The following CADM2 variants were observed in gnomAD, a reference collection of about 807,000 sequenced individuals.
The protein encoded by CADM2 is cell adhesion molecule 2, also known as immunoglobulin superfamily member 4D.
A neutral mutation model predicts 49.8 loss-of-function variants in CADM2; 12 were observed. That is an observed-to-expected ratio of 0.24 (90% CI 0.15 to 0.39). The LOEUF is 0.39. CADM2 is among the 10% of genes least tolerant of loss of function. The pLI is 1.00. For missense variants in CADM2, 378 were observed against 492.3 expected, an observed-to-expected ratio of 0.77 and a Z score of 2.20; for synonymous variants, 214 against 175.4, an observed-to-expected ratio of 1.22 and a Z score of -1.74.
chr3:85,874,371 T>C (rs1167433403), intron 3 of CADM2, among the ~76,000 whole-genome samples: 3 of 152,200 alleles, frequency 2.0e-5, no homozygotes, highest in Non-Finnish European at 2.9e-5. Flanking sequence ...TAACAAGGGC[T>C]GGTTTCTCTA....
At chr3:85,863,623 G>A (rs1010175016) in intron 3 of CADM2, among the ~76,000 whole-genome samples, 3 of 152,124 alleles carry the variant, frequency 2.0e-5, no homozygotes, top group Non-Finnish European at 4.4e-5. Context: ...GCACTTTGAT[G>A]TTAGACTTCT....
intron 1 of CADM2, among the ~76,000 whole-genome samples, chr3:85,130,937 C>T (rs1018781039): frequency 1.3e-5 from 2 of 152,188 alleles, no homozygotes; most frequent in Non-Finnish European, 2.9e-5. Flanking sequence ...AATCCCAGCA[C>T]TTTGGGAGGC....
At chr3:85,163,630 T>C (rs867415511) in intron 1 of CADM2, among the ~76,000 whole-genome samples, 36 of 152,174 alleles carry the variant, frequency 2.4e-4, no homozygotes, top group Admixed American at 7.2e-4. Context: ...ATCTCAAAAT[T>C]AGAACAGCTT....
At chr3:85,217,295 G>A (rs993066073) in intron 1 of CADM2, among the ~76,000 whole-genome samples, 2 of 151,662 alleles carry the variant, frequency 1.3e-5, no homozygotes, top group African/African-American at 4.8e-5. Flanking sequence ...AATAAGCATA[G>A]CAAATTTGAT....
chr3:85,036,573 G>C (rs1282048156), intron 1 of CADM2, among the ~76,000 whole-genome samples: 2 of 151,900 alleles, frequency 1.3e-5, no homozygotes, highest in African/African-American at 4.8e-5. Flanking sequence ...CTATTAGGTT[G>C]GTGCAAAAAT....
At chr3:85,714,411 T>C (rs1426962080) in intron 1 of CADM2, among the ~76,000 whole-genome samples, 2 of 152,038 alleles carry the variant, frequency 1.3e-5, no homozygotes, top group Non-Finnish European at 2.9e-5. Context: ...TGTCAAATTT[T>C]GTTTTCTGTT....
chr3:85,978,529 A>G (rs1727073257), intron 8 of CADM2, among the ~76,000 whole-genome samples: 1 of 151,578 alleles, frequency 6.6e-6, no homozygotes, highest in Non-Finnish European at 1.5e-5. Flanking sequence ...AATTATTAGA[A>G]GGCGTTACCA....
intron 3 of CADM2, among the ~76,000 whole-genome samples, chr3:85,816,455 G>T (rs1289263173): frequency 6.6e-6 from 1 of 152,056 alleles, no homozygotes; most frequent in Non-Finnish European, 1.5e-5. Flanking sequence ...AATCTACAAT[G>T]TACAGTCTCC....
At chr3:85,465,473 A>G (rs182074680) in intron 1 of CADM2, among the ~76,000 whole-genome samples, 20 of 152,274 alleles carry the variant, frequency 1.3e-4, no homozygotes, top group Admixed American at 1.2e-3. Flanking sequence ...CATTTTGTTC[A>G]TAAGACCTTT....
At position 85,917,842 on chromosome 3, in the gene CADM2, G is replaced by A. The variant is rs559563565; in HGVS notation, c.700+5299G>A. 5.3e-5 allele frequency among the ~76,000 whole-genome samples: 8 copies of A among 152,098 alleles called. No individual in the cohort carries two copies. The East Asian group carries it at 7.7e-4, about 15-fold the overall frequency. On this transcript the variant is annotated intron_variant, in intron 6 of 9. Coordinates refer to ENST00000383699, the MANE Select transcript of CADM2 (RefSeq NM_001167675.2). ...ATTTGTTTGTGTCCTCTTTTATTTA[G>A]TTGAGCACTGGTTTGTAGTTCTCCT...
chr3:85,904,797 T>C (rs1716569148), intron 5 of CADM2, among the ~76,000 whole-genome samples: 1 of 152,172 alleles, frequency 6.6e-6, no homozygotes, highest in South Asian at 2.1e-4. Flanking sequence ...TTCTTAAAAA[T>C]ATATTCCTTG....
At chr3:85,382,275 G>T (rs2033950369) in intron 1 of CADM2, among the ~76,000 whole-genome samples, 1 of 152,146 alleles carries the variant, frequency 6.6e-6, no homozygotes. Flanking sequence ...TATAGTTCTA[G>T]AACTCTATGC....
chr3:85,180,036 G>T (rs2040887124), intron 1 of CADM2, among the ~76,000 whole-genome samples: 1 of 152,030 alleles, frequency 6.6e-6, no homozygotes. Flanking sequence ...AAGTACATAA[G>T]AAATTATTTA....
At chr3:85,817,996 T>C (rs1045954429) in intron 3 of CADM2, among the ~76,000 whole-genome samples, 1 of 152,142 alleles carries the variant, frequency 6.6e-6, no homozygotes, top group Non-Finnish European at 1.5e-5. Context: ...AAGCCTATCA[T>C]TTAAGGTCTT....
intron 1 of CADM2, among the ~76,000 whole-genome samples, chr3:85,644,271 G>T (rs1364136655): frequency 6.6e-6 from 1 of 152,072 alleles, no homozygotes; most frequent in Non-Finnish European, 1.5e-5. Context: ...AAGAGAAAGA[G>T]TTCCGGCATC....
At chr3:85,526,974 A>T (rs142159983) in intron 1 of CADM2, among the ~76,000 whole-genome samples, 1 of 152,278 alleles carries the variant, frequency 6.6e-6, no homozygotes, top group East Asian at 1.9e-4. Flanking sequence ...GCAGGGATTA[A>T]GCTTCTTTGT....
intron 8 of CADM2, among the ~76,000 whole-genome samples, chr3:85,974,232 A>G (rs1000734446): frequency 4.6e-5 from 7 of 151,550 alleles, no homozygotes; most frequent in African/African-American, 1.7e-4. Flanking sequence ...TTGAACCAGG[A>G]TTTAAAGGAT....
At chr3:85,164,442 AC>A (rs377163718) in intron 1 of CADM2, among the ~76,000 whole-genome samples, 22 of 152,154 alleles carry the variant, frequency 1.4e-4, no homozygotes, top group African/African-American at 5.1e-4. Context: ...CCGATTTTTA[AC>A]CCTATCCCTT....
chr3:86,048,760 T>C (rs1047378661), intron 8 of CADM2, among the ~76,000 whole-genome samples: 4 of 152,180 alleles, frequency 2.6e-5, no homozygotes, highest in African/African-American at 9.6e-5. Flanking sequence ...TAAGTTTACA[T>C]TGTACAAACA....
Sources: gnomAD v4.1 joint callset for allele counts (sites outside exome capture counted in the v4.1 genomes callset) on GRCh38, gnomAD v4.1.1 for gene constraint, MANE v1.5 for transcripts, NCBI Gene and HGNC (gene_info 2026-07-23, HGNC 2026-07-21) for gene names.